Variants in FSTL5 observed in about 807,000 individuals in gnomAD.
The protein encoded by FSTL5 is follistatin-related protein 5.
Under a neutral mutation model 89.1 loss-of-function variants are expected in FSTL5, and 62 were observed. The ratio of observed to expected loss-of-function variants is 0.70; its 90% CI spans 0.57 to 0.86. FSTL5 has a LOEUF of 0.86. Ranked by LOEUF, FSTL5 falls within the 40% of genes least tolerant of loss-of-function variation. FSTL5 has a pLI of 0.00. For synonymous variants in FSTL5, 383 were observed against 346.2 expected, an observed-to-expected ratio of 1.11 and a Z score of -1.18; for missense variants, 1,057 against 1,001.6, an observed-to-expected ratio of 1.06 and a Z score of -0.75.
chr4:161,478,743 G>T (rs1396273852), intron 13 of FSTL5, among the ~76,000 whole-genome samples: 1 of 151,844 alleles, frequency 6.6e-6, no homozygotes, highest in Non-Finnish European at 1.5e-5. Context: ...TCACATCTAG[G>T]TATGCCCACA....
rs752638573 is a variant in FSTL5, at chr4:162,069,518, T to A, written c.127-35860A>T. On this transcript the variant is annotated intron_variant, in intron 2 of 15. Coordinates refer to ENST00000306100, the MANE Select transcript of FSTL5 (RefSeq NM_020116.5). ...CTATTTAGCTGTAATTTTTGGTTTG[T>A]TAACTAAACTCTCCTTATCCACCCC... Among the ~76,000 whole-genome samples the A allele has an allele frequency of 4.3e-4, 65 of 151,892 alleles. 1 individual carries two copies. Among genetic ancestry groups the A allele is most frequent in the Non-Finnish European group, 1.3e-4 (9 of 67,892 alleles).
chr4:162,105,556 T>C (rs946255606), intron 2 of FSTL5, among the ~76,000 whole-genome samples: 7 of 152,090 alleles, frequency 4.6e-5, no homozygotes, highest in African/African-American at 1.7e-4. Context: ...ACGGGTAGGA[T>C]GGTGTCAGTT....
chr4:161,902,421 C>T lies in FSTL5; in HGVS notation c.409+17983G>A, dbSNP rs1038349276. Among the ~76,000 whole-genome samples the T allele has an allele frequency of 7.2e-5, 11 of 152,200 alleles. No homozygotes were observed. In the East Asian group the frequency reaches 1.9e-3, roughly 27 times the overall value. On this transcript the variant is annotated intron_variant, in intron 4 of 15. Coordinates refer to ENST00000306100, the MANE Select transcript of FSTL5 (RefSeq NM_020116.5). ...TTAAATTATCAGGAAAGGGCATATG[C>T]ACACATTTAATAATAAAAGAAATAG...
chr4:161,641,648 C>T lies in FSTL5; in HGVS notation c.894+14680G>A, dbSNP rs868024397. Among the ~76,000 whole-genome samples, 6 of 152,014 alleles carry T rather than the reference C, an allele frequency of 3.9e-5. No individual in the cohort carries two copies. In the East Asian group the frequency reaches 5.8e-4, roughly 15 times the overall value. On this transcript the variant is annotated intron_variant, in intron 7 of 15. Coordinates refer to ENST00000306100, the MANE Select transcript of FSTL5 (RefSeq NM_020116.5). Reference sequence around the variant, plus strand: ...CTGGGAATACAGGCATACGCCCCCACGCCCAGATAATTTTTGTATTTTTAG... The same window carrying T: ...CTGGGAATACAGGCATACGCCCCCATGCCCAGATAATTTTTGTATTTTTAG...
intron 4 of FSTL5, among the ~76,000 whole-genome samples, chr4:161,825,909 T>C (rs77614853): frequency 0.09 from 13,720 of 152,154 alleles, 774 homozygotes; most frequent in African/African-American, 0.16. Flanking sequence ...TTATTTCTTT[T>C]TTTCTGTTGG....
intron 15 of FSTL5, among the ~76,000 whole-genome samples, chr4:161,419,033 A>C (rs1025589803): frequency 2.0e-5 from 3 of 152,210 alleles, no homozygotes; most frequent in African/African-American, 7.2e-5. Context: ...CATTATTCCC[A>C]AAACAGCTTC....
At chr4:161,774,679 A>G (rs1741338128) in intron 5 of FSTL5, among the ~76,000 whole-genome samples, 1 of 100,260 alleles carries the variant, frequency 1.0e-5, no homozygotes, top group South Asian at 3.0e-4. Context: ...TAAAAAGTGA[A>G]AAAAAAACTC....
At chr4:161,943,813 C>T (rs1734662882) in intron 3 of FSTL5, among the ~76,000 whole-genome samples, 1 of 151,938 alleles carries the variant, frequency 6.6e-6, no homozygotes, top group Non-Finnish European at 1.5e-5. Flanking sequence ...TCTTGGCCTC[C>T]CAAAGTGCTA....
intron 7 of FSTL5, among the ~76,000 whole-genome samples, chr4:161,591,882 C>G (rs1206782952): frequency 6.6e-6 from 1 of 152,184 alleles, no homozygotes; most frequent in East Asian, 1.9e-4. Context: ...AAGGAAGCTA[C>G]TAGTTCCATT....
chr4:161,850,179 A>G (rs1171195674), intron 4 of FSTL5, among the ~76,000 whole-genome samples: 3 of 152,178 alleles, frequency 2.0e-5, no homozygotes, highest in Admixed American at 2.0e-4. Context: ...TAAAAAGTAG[A>G]CTATAACTTA....
At chr4:161,835,750 T>C (rs1437281802) in intron 4 of FSTL5, among the ~76,000 whole-genome samples, 5 of 152,098 alleles carry the variant, frequency 3.3e-5, no homozygotes, top group Non-Finnish European at 7.4e-5. Context: ...AAAACCACAA[T>C]GGGATACCAT....
At chr4:161,790,630 C>T (rs1579095052) in intron 4 of FSTL5, among the ~76,000 whole-genome samples, 2 of 152,024 alleles carry the variant, frequency 1.3e-5, no homozygotes, top group Non-Finnish European at 2.9e-5. Context: ...TGTTGCATAA[C>T]TAATGTAAAG....
intron 4 of FSTL5, among the ~76,000 whole-genome samples, chr4:161,912,475 C>G (rs1159129775): frequency 1.3e-5 from 2 of 152,090 alleles, no homozygotes; most frequent in East Asian, 3.9e-4. Flanking sequence ...ATGGGTTTAT[C>G]AGGGGGTTAT....
chr4:161,503,421 C>G lies in FSTL5; in HGVS notation c.1340-3287G>C, dbSNP rs576582998. ...TTTTAAGTTCTGTTTTCCCAGAATC[C>G]TTGAGCCAGCTAAAAGATCAACTTT... On this transcript the variant is annotated intron_variant, in intron 11 of 15. Transcript: ENST00000306100. Among the ~76,000 whole-genome samples, 7 of 151,824 alleles carry G rather than the reference C, an allele frequency of 4.6e-5. No homozygotes were observed. In the East Asian group the frequency reaches 1.4e-3, roughly 29 times the overall value.
intron 1 of FSTL5, among the ~76,000 whole-genome samples, chr4:162,127,714 C>A (rs1252647590): frequency 6.6e-6 from 1 of 151,658 alleles, no homozygotes; most frequent in South Asian, 2.1e-4. Flanking sequence ...AAGGATAGAA[C>A]TGAGACATTA....
chr4:161,719,000 T>C (rs1739100001), intron 6 of FSTL5, among the ~76,000 whole-genome samples: 2 of 152,170 alleles, frequency 1.3e-5, no homozygotes, highest in African/African-American at 4.8e-5. Context: ...TGGAAACCAC[T>C]AGAAACCCAT....
At chr4:161,962,828 T>C (rs1735219527) in intron 3 of FSTL5, among the ~76,000 whole-genome samples, 1 of 152,028 alleles carries the variant, frequency 6.6e-6, no homozygotes, top group South Asian at 2.1e-4. Flanking sequence ...AAAGAACTTT[T>C]ATTTCTGAAG....
intron 4 of FSTL5, among the ~76,000 whole-genome samples, chr4:161,786,463 GCA>G (rs1379939353): frequency 6.6e-5 from 10 of 152,026 alleles, no homozygotes; most frequent in Non-Finnish European, 1.2e-4. Context: ...CTTCTTTTAA[GCA>G]CAGTCAACCT....
intron 10 of FSTL5, among the ~76,000 whole-genome samples, chr4:161,531,212 A>C (rs1432855707): frequency 6.6e-6 from 1 of 152,226 alleles, no homozygotes; most frequent in Non-Finnish European, 1.5e-5. Context: ...GACACTGTAA[A>C]TCAAAGTTTC....
Sources: gnomAD v4.1 joint callset for allele counts (sites outside exome capture counted in the v4.1 genomes callset) on GRCh38, gnomAD v4.1.1 for gene constraint, MANE v1.5 for transcripts, NCBI Gene and HGNC (gene_info 2026-07-23, HGNC 2026-07-21) for gene names.